Variants in DHRSX observed in about 807,000 individuals in gnomAD.
DHRSX encodes polyprenol dehydrogenase.
DHRSX carries 31 observed loss-of-function variants against 34.0 expected under a neutral mutation model. That is an observed-to-expected ratio of 0.91 (90% CI 0.69 to 1.23). The LOEUF (loss-of-function observed/expected upper bound fraction) is 1.23. Ranked by LOEUF, DHRSX falls within the 50% of genes most tolerant of loss-of-function variation. The pLI is 0.00. For synonymous variants in DHRSX, 201 were observed against 183.8 expected, an observed-to-expected ratio of 1.09 and a Z score of -0.76; for missense variants, 414 against 428.1, an observed-to-expected ratio of 0.97 and a Z score of 0.29.
intron 3 of DHRSX, among the ~76,000 whole-genome samples, chrX:2,364,872 C>T (rs2124592504): frequency 6.6e-6 from 1 of 152,294 alleles, no homozygotes; most frequent in African/African-American, 2.4e-5. Context: ...CACAATCTAT[C>T]ATTGACCATT....
chrX:2,370,589 T>TAAAAAAAAAAA (rs1049095204), intron 3 of DHRSX, among the ~76,000 whole-genome samples: 1 of 70,426 alleles, frequency 1.4e-5, no homozygotes, highest in Non-Finnish European at 3.2e-5. Context: ...ATGGTTTTAC[T>TAAAAAAAAAAA]GAAAAAAAAA....
At chrX:2,391,575 A>G (rs1360463857) in intron 3 of DHRSX, among the ~76,000 whole-genome samples, 1 of 152,142 alleles carries the variant, frequency 6.6e-6, no homozygotes, top group Non-Finnish European at 1.5e-5. Context: ...AAGGCAGCAG[A>G]CACAGGGGTC....
intron 1 of DHRSX, among the ~76,000 whole-genome samples, chrX:2,443,245 C>T (rs1181360770): frequency 6.6e-6 from 1 of 151,856 alleles, no homozygotes; most frequent in Non-Finnish European, 1.5e-5. Flanking sequence ...GTTGCCCATG[C>T]TCCTCTTAAA....
chrX:2,471,095 G>A (rs1386922923), intron 1 of DHRSX, among the ~76,000 whole-genome samples: 4 of 151,944 alleles, frequency 2.6e-5, no homozygotes, highest in South Asian at 2.1e-4. Context: ...TTTTTTTAAC[G>A]AAAAATGAAT....
At chrX:2,478,626 G>A (rs867359399) in intron 1 of DHRSX, among the ~76,000 whole-genome samples, 11 of 74,524 alleles carry the variant, frequency 1.5e-4, no homozygotes, top group African/African-American at 6.9e-4. Context: ...TTGAGGGACC[G>A]CACTGAAGAC....
Position 2,341,529 on chromosome X carries a change from C to T in DHRSX, c.287-49926G>A, listed in dbSNP as rs1260756940. 5.3e-5 allele frequency among the ~76,000 whole-genome samples: 8 copies of T among 152,038 alleles called. No homozygotes were observed. In the Admixed American group the frequency reaches 5.3e-4, roughly 10 times the overall value. On this transcript the variant is annotated intron_variant, in intron 3 of 6. Coordinates refer to ENST00000334651, the MANE Select transcript of DHRSX (RefSeq NM_145177.3). ...CCTCTTCCGTCTCTTACAAGGACAC[C>T]TGTCATTAGATTTAGGATCCACTGC... is the stretch of plus-strand genomic sequence containing the variant.
chrX:2,378,087 T>C (rs1034132350), intron 3 of DHRSX, among the ~76,000 whole-genome samples: 1 of 152,216 alleles, frequency 6.6e-6, no homozygotes, highest in Non-Finnish European at 1.5e-5. Flanking sequence ...TTGTGTCTGG[T>C]GCAATAGTGA....
intron 3 of DHRSX, among the ~76,000 whole-genome samples, chrX:2,340,247 G>T (rs2042623831): frequency 1.3e-5 from 2 of 151,974 alleles, no homozygotes; most frequent in African/African-American, 4.8e-5. Context: ...TAGATGACGG[G>T]TTGAGGGGTG....
intron 2 of DHRSX, among the ~76,000 whole-genome samples, chrX:2,422,219 G>A (rs1326211994): frequency 1.3e-5 from 2 of 152,218 alleles, no homozygotes; most frequent in Non-Finnish European, 2.9e-5. Flanking sequence ...AAGAAGGACA[G>A]AGAATGGCGG....
intron 3 of DHRSX, among the ~76,000 whole-genome samples, chrX:2,297,700 T>G (rs1188602502): frequency 6.6e-6 from 1 of 152,038 alleles, no homozygotes; most frequent in Non-Finnish European, 1.5e-5. Context: ...CTTGTTATCA[T>G]ACTGCTGCCC....
chrX:2,298,115 T>C (rs2041956514), intron 3 of DHRSX, among the ~76,000 whole-genome samples: 1 of 151,800 alleles, frequency 6.6e-6, no homozygotes, highest in Non-Finnish European at 1.5e-5. Flanking sequence ...AAAATGATGA[T>C]GTGAAGACAG....
intron 1 of DHRSX, among the ~76,000 whole-genome samples, chrX:2,473,352 G>A (rs1343850659): frequency 2.6e-5 from 4 of 152,170 alleles, no homozygotes; most frequent in African/African-American, 4.8e-5. Context: ...CGCCAGGCGC[G>A]GGGGCTCACG....
chrX:2,270,652 T>C (rs780915284), intron 4 of DHRSX, among the ~76,000 whole-genome samples: 1 of 152,122 alleles, frequency 6.6e-6, no homozygotes, highest in Non-Finnish European at 1.5e-5. Context: ...GGCTGTAGCC[T>C]CCACAGTGCG....
intron 4 of DHRSX, among the ~76,000 whole-genome samples, chrX:2,288,389 C>T (rs951990904): frequency 6.6e-6 from 1 of 152,196 alleles, no homozygotes; most frequent in African/African-American, 2.4e-5. Context: ...GCATGCGCCA[C>T]CATGCCCAGC....
At chrX:2,433,130 A>G (rs2043948466) in intron 1 of DHRSX, among the ~76,000 whole-genome samples, 1 of 152,116 alleles carries the variant, frequency 6.6e-6, no homozygotes, top group African/African-American at 2.4e-5. Flanking sequence ...AAAAAATCAC[A>G]TGGTAAAAAA....
intron 1 of DHRSX, among the ~76,000 whole-genome samples, chrX:2,483,506 C>T (rs186096779): frequency 5.9e-5 from 9 of 152,118 alleles, no homozygotes; most frequent in African/African-American, 9.6e-5. Context: ...TGGGCTCAAG[C>T]GATCCGCCTG....
chrX:2,422,511 T>C (rs1364079274), intron 2 of DHRSX, among the ~76,000 whole-genome samples: 2 of 152,170 alleles, frequency 1.3e-5, no homozygotes, highest in Non-Finnish European at 2.9e-5. Context: ...TCTGCCCGCC[T>C]CGGCTTCCTA....
intron 1 of DHRSX, among the ~76,000 whole-genome samples, chrX:2,435,146 G>T (rs1258648644): frequency 6.6e-6 from 1 of 151,962 alleles, no homozygotes; most frequent in African/African-American, 2.4e-5. Context: ...GGGAGAGGAG[G>T]TTGAGGTAGG....
At chrX:2,434,407 G>A (rs1004967028) in intron 1 of DHRSX, among the ~76,000 whole-genome samples, 7 of 152,186 alleles carry the variant, frequency 4.6e-5, no homozygotes, top group Admixed American at 4.6e-4. Context: ...GGTAGCTTAT[G>A]CCTGTAATCC....
Sources: gnomAD v4.1 joint callset for allele counts (sites outside exome capture counted in the v4.1 genomes callset) on GRCh38, gnomAD v4.1.1 for gene constraint, MANE v1.5 for transcripts, NCBI Gene and HGNC (gene_info 2026-07-23, HGNC 2026-07-21) for gene names.